PRKG1: variants seen among roughly 807,000 people sequenced by gnomAD.
PRKG1 encodes cGMP-dependent protein kinase 1.
Under a neutral mutation model 88.1 loss-of-function variants are expected in PRKG1, and 35 were observed. The ratio of observed to expected loss-of-function variants is 0.40; its 90% CI spans 0.30 to 0.53. The LOEUF is 0.53. Ranked by LOEUF, PRKG1 falls within the 20% of genes least tolerant of loss-of-function variation. PRKG1 has a pLI of 0.59. For synonymous variants in PRKG1, 303 were observed against 292.5 expected (o/e 1.04, Z -0.37); for missense variants, 540 against 839.8 (o/e 0.64, Z 4.41).
chr10:51,988,184 T>G (rs1172742585), intron 5 of PRKG1, among the ~76,000 whole-genome samples: 4 of 152,082 alleles, frequency 2.6e-5, no homozygotes, highest in Non-Finnish European at 5.9e-5. Flanking sequence ...ATAATATTGT[T>G]TGGTATGTAC....
At chr10:51,660,954 T>C (rs1451157170) in intron 3 of PRKG1, among the ~76,000 whole-genome samples, 1 of 152,246 alleles carries the variant, frequency 6.6e-6, no homozygotes, top group Non-Finnish European at 1.5e-5. Context: ...CAAGGAAATA[T>C]AAATGTTTTA....
chr10:51,658,991 A>G (rs1052277396), intron 3 of PRKG1, among the ~76,000 whole-genome samples: 1 of 152,256 alleles, frequency 6.6e-6, no homozygotes, highest in Middle Eastern at 3.4e-3. Context: ...TGCAAAAACA[A>G]CAGTGGGCAA....
At chr10:51,410,752 A>T (rs946055721) in intron 2 of PRKG1, among the ~76,000 whole-genome samples, 14 of 152,058 alleles carry the variant, frequency 9.2e-5, no homozygotes, top group Admixed American at 3.9e-4. Flanking sequence ...TTAAAAAATG[A>T]TTTCAACTAC....
At chr10:52,145,264 A>G (rs1166572825) in intron 8 of PRKG1, among the ~76,000 whole-genome samples, 1 of 152,174 alleles carries the variant, frequency 6.6e-6, no homozygotes, top group Non-Finnish European at 1.5e-5. Context: ...TTTCCAGTAA[A>G]TGCTTGAAAC....
chr10:52,278,928 A>G (rs888698704), intron 12 of PRKG1, among the ~76,000 whole-genome samples: 7 of 151,734 alleles, frequency 4.6e-5, no homozygotes, highest in Non-Finnish European at 1.0e-4. Flanking sequence ...AGAACAAGAT[A>G]TATAGTTTGA....
chr10:52,174,219 A>C (rs1441922810), intron 9 of PRKG1, among the ~76,000 whole-genome samples: 1 of 151,940 alleles, frequency 6.6e-6, no homozygotes, highest in Non-Finnish European at 1.5e-5. Flanking sequence ...GATGAAGAAC[A>C]TGCTTTAGTC....
intron 1 of PRKG1, among the ~76,000 whole-genome samples, chr10:51,032,484 C>G (rs1843296626): frequency 1.3e-5 from 2 of 152,156 alleles, no homozygotes; most frequent in African/African-American, 2.4e-5. Context: ...TGGTGCCAGC[C>G]ATGGTGGCTC....
intron 2 of PRKG1, among the ~76,000 whole-genome samples, chr10:51,169,482 G>A (rs555906608): frequency 6.6e-6 from 1 of 152,014 alleles, no homozygotes; most frequent in African/African-American, 2.4e-5. Flanking sequence ...TTAAAATGCT[G>A]TTTTTACTTC....
chr10:51,856,916 A>G (rs985570423), intron 4 of PRKG1, among the ~76,000 whole-genome samples: 14 of 147,178 alleles, frequency 9.5e-5, no homozygotes, highest in Non-Finnish European at 1.3e-4. Context: ...GTGAGCTGAG[A>G]TTGCGCCACT....
chr10:51,461,281 G>T lies in PRKG1; in HGVS notation c.479-6442G>T, dbSNP rs1031831231. ...TTGTTTCATTCCATTTGGATAACTA[G>T]TGCTTTTGAGCACCCTGTAAGAATT... On this transcript the variant is annotated intron_variant, in intron 2 of 17. Transcript: ENST00000373980. 2.0e-5 allele frequency among the ~76,000 whole-genome samples: 3 copies of T among 152,092 alleles called. No individual in the cohort carries two copies. The South Asian group carries it at 6.2e-4, about 32-fold the overall frequency.
In PRKG1 at chr10:51,761,432, A is replaced by G. The variant is rs550069963; in HGVS notation, c.593-43153A>G. ...TATTTGAAAGTATCTAACTGTGTAA[A>G]TGGGATTCCACATGGCATCCTGCTG... On this transcript the variant is annotated intron_variant, in intron 3 of 17. Transcript: ENST00000373980. Among the ~76,000 whole-genome samples, 46 of 152,302 alleles carry G rather than the reference A, an allele frequency of 3.0e-4. 2 individuals carry two copies. The South Asian group carries it at 9.5e-3, about 32-fold the overall frequency.
At chr10:51,374,207 C>T (rs1588892285) in intron 2 of PRKG1, among the ~76,000 whole-genome samples, 2 of 150,942 alleles carry the variant, frequency 1.3e-5, no homozygotes, top group East Asian at 2.0e-4. Context: ...ATCTATGTTA[C>T]GTATTTCTCC....
chr10:52,012,099 A>T (rs1844899574), intron 5 of PRKG1, among the ~76,000 whole-genome samples: 2 of 151,880 alleles, frequency 1.3e-5, no homozygotes, highest in African/African-American at 2.4e-5. Flanking sequence ...TTCACTCTTC[A>T]CTGTGCTCCC....
At chr10:51,307,519 T>C (rs947762464) in intron 2 of PRKG1, among the ~76,000 whole-genome samples, 5 of 152,200 alleles carry the variant, frequency 3.3e-5, no homozygotes, top group Admixed American at 6.5e-5. Flanking sequence ...TCTAGTAGAA[T>C]GGTGCTTCAA....
intron 4 of PRKG1, among the ~76,000 whole-genome samples, chr10:51,823,360 C>T (rs1839798055): frequency 6.6e-6 from 1 of 152,082 alleles, no homozygotes; most frequent in Non-Finnish European, 1.5e-5. Flanking sequence ...ATATCCATTG[C>T]TTCTGTATGG....
At chr10:52,200,053 A>G (rs892565011) in intron 9 of PRKG1, among the ~76,000 whole-genome samples, 3 of 151,604 alleles carry the variant, frequency 2.0e-5, no homozygotes, top group African/African-American at 7.3e-5. Context: ...TGTTTTTGTT[A>G]TATTTTGTTT....
chr10:51,491,802 A>T (rs1252882584), intron 3 of PRKG1, among the ~76,000 whole-genome samples: 1 of 152,150 alleles, frequency 6.6e-6, no homozygotes, highest in African/African-American at 2.4e-5. Flanking sequence ...GAAATCACAT[A>T]GAATGGACAG....
At chr10:51,547,155 T>C (rs1307166936) in intron 3 of PRKG1, among the ~76,000 whole-genome samples, 1 of 152,120 alleles carries the variant, frequency 6.6e-6, no homozygotes, top group African/African-American at 2.4e-5. Context: ...AAATGACTTT[T>C]ATAAATTTGG....
intron 9 of PRKG1, among the ~76,000 whole-genome samples, chr10:52,211,037 C>T (rs576123510): frequency 2.0e-4 from 30 of 152,248 alleles, no homozygotes; most frequent in African/African-American, 7.0e-4. Context: ...GAACATGTGT[C>T]GGCTACTATA....
Sources: allele counts gnomAD v4.1 joint callset (sites outside exome capture counted in the v4.1 genomes callset), GRCh38; gene constraint gnomAD v4.1.1; transcripts MANE v1.5; gene names NCBI Gene and HGNC (gene_info 2026-07-23, HGNC 2026-07-21).